The following MAGI1 variants were observed in gnomAD, a reference collection of about 807,000 sequenced individuals.
MAGI1 encodes membrane-associated guanylate kinase, WW and PDZ domain-containing protein 1.
Under a neutral mutation model 139.9 loss-of-function variants are expected in MAGI1, and 58 were observed. The ratio of observed to expected loss-of-function variants is 0.41; its 90% CI spans 0.34 to 0.52. The LOEUF (loss-of-function observed/expected upper bound fraction) is 0.52. MAGI1 is among the 20% of genes least tolerant of loss of function. The pLI is 0.12. For missense variants in MAGI1, 1,874 were observed against 1,901.6 expected, an observed-to-expected ratio of 0.99 and a Z score of 0.27; for synonymous variants, 812 against 737.9, an observed-to-expected ratio of 1.10 and a Z score of -1.63.
chr3:65,812,452 T>A (rs2041306500), intron 1 of MAGI1, among the ~76,000 whole-genome samples: 1 of 110,090 alleles, frequency 9.1e-6, no homozygotes, highest in African/African-American at 3.9e-5. Context: ...TCTTTCTCTC[T>A]CTCTCTCTCT....
chr3:65,433,352 GT>G, intron 10 of MAGI1, among the ~76,000 whole-genome samples: 1 of 152,176 alleles, frequency 6.6e-6, no homozygotes, highest in Middle Eastern at 3.4e-3. Flanking sequence ...AGCATATTTT[GT>G]GCTGAGAATG....
chr3:65,571,442 A>G (rs544263700), intron 2 of MAGI1, among the ~76,000 whole-genome samples: 16 of 152,182 alleles, frequency 1.1e-4, no homozygotes, highest in Non-Finnish European at 1.9e-4. Flanking sequence ...AAAGGATCCA[A>G]ATGATCTTAA....
At chr3:65,789,998 T>C (rs2039652657) in intron 1 of MAGI1, among the ~76,000 whole-genome samples, 1 of 152,194 alleles carries the variant, frequency 6.6e-6, no homozygotes, top group Non-Finnish European at 1.5e-5. Context: ...GAATCAGTAA[T>C]GATTATTAAC....
At chr3:65,479,893 T>A (rs1375166426) in intron 3 of MAGI1, among the ~76,000 whole-genome samples, 1 of 152,066 alleles carries the variant, frequency 6.6e-6, no homozygotes, top group East Asian at 1.9e-4. Flanking sequence ...ATCAATAATA[T>A]TCAGCGGCTA....
intron 1 of MAGI1, among the ~76,000 whole-genome samples, chr3:65,805,395 C>T (rs926585325): frequency 1.3e-5 from 2 of 152,192 alleles, no homozygotes; most frequent in Non-Finnish European, 2.9e-5. Flanking sequence ...GAAATACCAT[C>T]TTATGCCAGT....
chr3:65,426,306 G>A (rs1353636540), intron 12 of MAGI1, among the ~76,000 whole-genome samples: 1 of 152,196 alleles, frequency 6.6e-6, no homozygotes, highest in Non-Finnish European at 1.5e-5. Flanking sequence ...TCGATTTCCA[G>A]ATGAGGGAAG....
At chr3:65,711,232 TACTAGTA>T (rs1384084104) in intron 1 of MAGI1, among the ~76,000 whole-genome samples, 1 of 152,194 alleles carries the variant, frequency 6.6e-6, no homozygotes, top group Non-Finnish European at 1.5e-5. Flanking sequence ...TTGAAATAAT[TACTAGTA>T]AGAAACAATT....
At chr3:65,433,808 A>G (rs1432069441) in intron 10 of MAGI1, among the ~76,000 whole-genome samples, 1 of 151,998 alleles carries the variant, frequency 6.6e-6, no homozygotes, top group Non-Finnish European at 1.5e-5. Flanking sequence ...GGGGAAAGAA[A>G]TGTCACTTCT....
chr3:65,896,852 CA>C (rs1233070364), intron 1 of MAGI1, among the ~76,000 whole-genome samples: 1 of 152,130 alleles, frequency 6.6e-6, no homozygotes, highest in Non-Finnish European at 1.5e-5. Context: ...ATTCAAGTAA[CA>C]AAATGTATAC....
At chr3:65,637,900 C>G (rs929852924) in intron 1 of MAGI1, among the ~76,000 whole-genome samples, 1 of 152,080 alleles carries the variant, frequency 6.6e-6, no homozygotes, top group Non-Finnish European at 1.5e-5. Context: ...TCTGTCATCC[C>G]CACCCCCCAA....
intron 1 of MAGI1, among the ~76,000 whole-genome samples, chr3:65,847,927 T>G (rs1358417426): frequency 6.6e-6 from 1 of 152,116 alleles, no homozygotes; most frequent in African/African-American, 2.4e-5. Context: ...CCCGGCAACT[T>G]GAGAGACTGG....
rs35663778 is a variant in MAGI1, at chr3:65,796,050, CAAAAA to C, written c.314-173967_314-173963del. ...TGGGTGACAGACTGAGACTCTGTCT[CAAAAA>C]AAAAAAAAAAAAAAAGAAAAGAAAA... On this transcript the variant is annotated intron_variant, in intron 1 of 22. Transcript: ENST00000402939. Among the ~76,000 whole-genome samples the C allele has an allele frequency of 4.9e-4, 51 of 103,050 alleles. 1 individual carries two copies. The highest frequency in any genetic ancestry group is 1.4e-3 in the African/African-American group (36 of 25,482). The allele number at this position is 103,050 out of a possible 152,430, so 67.6% of individuals were successfully genotyped here.
At chr3:66,023,327 T>C (rs2068060985) in intron 1 of MAGI1, among the ~76,000 whole-genome samples, 1 of 152,168 alleles carries the variant, frequency 6.6e-6, no homozygotes. Flanking sequence ...CATTGGACTT[T>C]TGCTGACAAT....
intron 1 of MAGI1, among the ~76,000 whole-genome samples, chr3:65,885,397 C>CAA (rs200832799): frequency 1.7e-4 from 22 of 127,796 alleles, no homozygotes; most frequent in East Asian, 6.6e-4. Context: ...AACTCTGTCT[C>CAA]AAAAAAAAAA....
intron 1 of MAGI1, among the ~76,000 whole-genome samples, chr3:65,966,481 C>A (rs981560666): frequency 2.6e-5 from 4 of 151,966 alleles, no homozygotes; most frequent in Non-Finnish European, 4.4e-5. Context: ...CTGCATCTTG[C>A]GACTGACAAA....
In MAGI1 at chr3:65,579,923, T is replaced by C. The variant is rs572465939; in HGVS notation, c.430+42049A>G. Among the ~76,000 whole-genome samples, 63 of 152,126 alleles carry C rather than the reference T, an allele frequency of 4.1e-4. 1 individual carries two copies. In the East Asian group the frequency reaches 0.012, roughly 28 times the overall value. On this transcript the variant is annotated intron_variant, in intron 2 of 22. Coordinates refer to ENST00000402939, the MANE Select transcript of MAGI1 (RefSeq NM_001033057.2). The stretch of plus-strand genomic sequence containing the variant: ...TGAAACTAGACAAGCTCACTGGCAC[T>C]CTTTTTTCATTAATTACTGTATCTT...
intron 1 of MAGI1, among the ~76,000 whole-genome samples, chr3:65,829,547 T>C (rs1029018136): frequency 2.0e-5 from 3 of 152,222 alleles, no homozygotes; most frequent in Non-Finnish European, 4.4e-5. Context: ...GCCTTGATCT[T>C]GGACTTCCCA....
intron 2 of MAGI1, among the ~76,000 whole-genome samples, chr3:65,520,982 G>A (rs2078126961): frequency 6.6e-6 from 1 of 152,140 alleles, no homozygotes; most frequent in Non-Finnish European, 1.5e-5. Context: ...ACCAACTTAA[G>A]AGATTCTGCA....
chr3:65,968,831 T>C (rs77165988), intron 1 of MAGI1, among the ~76,000 whole-genome samples: 1 of 152,220 alleles, frequency 6.6e-6, no homozygotes, highest in African/African-American at 2.4e-5. Context: ...TAAACTTTTA[T>C]TCATAGGAAA....
Sources: gnomAD v4.1 joint callset for allele counts (sites outside exome capture counted in the v4.1 genomes callset) on GRCh38, gnomAD v4.1.1 for gene constraint, MANE v1.5 for transcripts, NCBI Gene and HGNC (gene_info 2026-07-23, HGNC 2026-07-21) for gene names.